The following CNTNAP2 variants were observed in gnomAD, a reference collection of about 807,000 sequenced individuals.
CNTNAP2 encodes the protein contactin-associated protein-like 2.
CNTNAP2 carries 98 observed loss-of-function variants against 155.2 expected under a neutral mutation model. The ratio of observed to expected loss-of-function variants is 0.63; its 90% CI spans 0.54 to 0.75. CNTNAP2 has a LOEUF of 0.75. Among genes scored for constraint, CNTNAP2 ranks in the 30% least tolerant of loss-of-function variants. The pLI is 0.00. For missense variants in CNTNAP2, 1,727 were observed against 1,688.1 expected (o/e 1.02, Z -0.40); for synonymous variants, 651 against 631.2 (o/e 1.03, Z -0.47).
At chr7:148,126,860 A>G (rs1364108905) in intron 16 of CNTNAP2, among the ~76,000 whole-genome samples, 2 of 152,194 alleles carry the variant, frequency 1.3e-5, no homozygotes, top group Non-Finnish European at 2.9e-5. Context: ...TGGCCCCAAG[A>G]TATGGGCCAC....
chr7:147,368,096 T>TCTCACACA (rs1160776624), intron 9 of CNTNAP2, among the ~76,000 whole-genome samples: 119 of 117,090 alleles, frequency 1.0e-3, no homozygotes, highest in Non-Finnish European at 1.7e-3. Context: ...TCTCTCTCTG[T>TCTCACACA]CACACACACA....
intron 3 of CNTNAP2, among the ~76,000 whole-genome samples, chr7:147,027,419 C>T (rs1044656220): frequency 6.6e-6 from 1 of 152,180 alleles, no homozygotes; most frequent in South Asian, 2.1e-4. Flanking sequence ...ATATAACAAA[C>T]ATATTGCTTC....
chr7:148,161,255 T>C (rs1805532246), intron 17 of CNTNAP2, among the ~76,000 whole-genome samples: 1 of 152,232 alleles, frequency 6.6e-6, no homozygotes, highest in Admixed American at 6.5e-5. Flanking sequence ...AGTTTTCTGC[T>C]GTCATTGGTT....
At position 146,862,627 on chromosome 7, in the gene CNTNAP2, T is replaced by C. The variant is rs143749613; in HGVS notation, c.402+22723T>C. ...AGGCATAATGTTACTTGGCTGTCTA[T>C]CAAAGATATCACAGACAACTCTCAA... is the stretch of plus-strand genomic sequence containing the variant. On this transcript the variant is annotated intron_variant, in intron 3 of 23. Transcript: ENST00000361727. Among the ~76,000 whole-genome samples the C allele has an allele frequency of 8.3e-3, 1,264 of 152,326 alleles. 9 individuals are homozygous for C. The highest frequency in any genetic ancestry group is 0.024 in the Middle Eastern group (7 of 294).
At chr7:146,683,628 T>C (rs1276594082) in intron 1 of CNTNAP2, among the ~76,000 whole-genome samples, 11 of 152,160 alleles carry the variant, frequency 7.2e-5, no homozygotes, top group African/African-American at 2.7e-4. Context: ...CAGCATTTAT[T>C]GTGTGTTGTG....
chr7:147,763,913 C>G (rs535976891), intron 13 of CNTNAP2, among the ~76,000 whole-genome samples: 1 of 152,298 alleles, frequency 6.6e-6, no homozygotes, highest in African/African-American at 2.4e-5. Flanking sequence ...GCAGGCTCAT[C>G]TTGCTGATAA....
chr7:147,425,899 A>G (rs1047052224), intron 10 of CNTNAP2, among the ~76,000 whole-genome samples: 19 of 152,166 alleles, frequency 1.2e-4, no homozygotes, highest in African/African-American at 4.3e-4. Flanking sequence ...GTTAAACAGA[A>G]TTTTAAAGCT....
intron 10 of CNTNAP2, among the ~76,000 whole-genome samples, chr7:147,468,845 T>TCTTC (rs751496536): frequency 0.016 from 970 of 59,862 alleles, 15 homozygotes; most frequent in African/African-American, 0.078. Flanking sequence ...CTTCTTCTTT[T>TCTTC]TTTTTTTTCC....
intron 13 of CNTNAP2, among the ~76,000 whole-genome samples, chr7:147,898,599 A>C (rs556757316): frequency 6.6e-6 from 1 of 151,936 alleles, no homozygotes; most frequent in East Asian, 1.9e-4. Context: ...GGCCCACTGC[A>C]ACCTCTGCCA....
chr7:148,352,496 G>A (rs1476640021), intron 21 of CNTNAP2, among the ~76,000 whole-genome samples: 4 of 152,192 alleles, frequency 2.6e-5, no homozygotes, highest in Non-Finnish European at 4.4e-5. Flanking sequence ...AAAGATAGAC[G>A]TGAAACCAGC....
chr7:148,150,275 G>T (rs780718835), intron 17 of CNTNAP2, among the ~76,000 whole-genome samples: 1 of 151,706 alleles, frequency 6.6e-6, no homozygotes, highest in Non-Finnish European at 1.5e-5. Flanking sequence ...AGGGCTGGGC[G>T]CAGTGGCTCA....
At chr7:147,488,044 G>T (rs1188505115) in intron 11 of CNTNAP2, among the ~76,000 whole-genome samples, 1 of 72,402 alleles carries the variant, frequency 1.4e-5, no homozygotes, top group Non-Finnish European at 2.5e-5. Context: ...AGAGAGGGTT[G>T]GCTGGTGACT....
chr7:148,123,095 T>C (rs1804635023), intron 16 of CNTNAP2, among the ~76,000 whole-genome samples: 1 of 152,090 alleles, frequency 6.6e-6, no homozygotes, highest in African/African-American at 2.4e-5. Flanking sequence ...TCTAATCAAG[T>C]GGACACATCT....
At chr7:146,941,469 A>T (rs1797055178) in intron 3 of CNTNAP2, among the ~76,000 whole-genome samples, 1 of 152,270 alleles carries the variant, frequency 6.6e-6, no homozygotes, top group Admixed American at 6.5e-5. Flanking sequence ...TGTAGTGATT[A>T]CTAATTTAAT....
chr7:148,134,089 A>G (rs1454918251), intron 16 of CNTNAP2, among the ~76,000 whole-genome samples: 3 of 152,176 alleles, frequency 2.0e-5, no homozygotes, highest in Non-Finnish European at 4.4e-5. Flanking sequence ...GAGTTTGACA[A>G]ATGAAATCTG....
chr7:148,295,547 T>A (rs148322020), intron 21 of CNTNAP2, among the ~76,000 whole-genome samples: 43,919 of 135,212 alleles, frequency 0.32, 7,746 homozygotes, highest in Middle Eastern at 0.41. Context: ...GCGGGAGTGC[T>A]GTGGCGCAGT....
chr7:147,750,935 G>C lies in CNTNAP2; in HGVS notation c.2098+111629G>C, dbSNP rs186013149. ...GGCGCCTGAAGTCCCAGCTACTCAGGAGGCTGAGGCAGCAGAATGGCGTGA... is the reference window on the plus strand; with the variant it reads ...GGCGCCTGAAGTCCCAGCTACTCAGCAGGCTGAGGCAGCAGAATGGCGTGA... On this transcript the variant is annotated intron_variant, in intron 13 of 23. Coordinates refer to ENST00000361727, the MANE Select transcript of CNTNAP2 (RefSeq NM_014141.6). Among the ~76,000 whole-genome samples the C allele has an allele frequency of 3.6e-3, 552 of 152,246 alleles. 2 individuals are homozygous for C. Among genetic ancestry groups the C allele is most frequent in the African/African-American group, 0.013 (520 of 41,556 alleles).
At chr7:148,187,311 C>A (rs1209439675) in intron 18 of CNTNAP2, among the ~76,000 whole-genome samples, 1 of 152,184 alleles carries the variant, frequency 6.6e-6, no homozygotes, top group Admixed American at 6.5e-5. Context: ...AGGAATAAAA[C>A]AAGGGATGTG....
intron 14 of CNTNAP2, among the ~76,000 whole-genome samples, chr7:147,948,775 T>C (rs1800866949): frequency 6.6e-6 from 1 of 151,892 alleles, no homozygotes; most frequent in Admixed American, 6.6e-5. Flanking sequence ...CCCAAAATTT[T>C]AACCACTAAT....
Sources: allele counts gnomAD v4.1 joint callset (sites outside exome capture counted in the v4.1 genomes callset), GRCh38; gene constraint gnomAD v4.1.1; transcripts MANE v1.5; gene names NCBI Gene and HGNC (gene_info 2026-07-23, HGNC 2026-07-21).